HTR1F: variants seen among roughly 807,000 people sequenced by gnomAD.
HTR1F encodes the protein 5-hydroxytryptamine receptor 1F, also known as 5-hydroxytryptamine (serotonin) receptor 1F, G protein-coupled.
HTR1F carries 17 observed loss-of-function variants against 24.0 expected under a neutral mutation model. The observed-to-expected ratio is 0.71, with a 90% CI of 0.48 to 1.06. The LOEUF is 1.06. HTR1F is among the 50% of genes least tolerant of loss of function. The pLI, the probability that HTR1F is intolerant of heterozygous loss-of-function variation, is 0.00. For synonymous variants in HTR1F, 186 were observed against 156.8 expected (o/e 1.19, Z -1.39); for missense variants, 391 against 427.8 (o/e 0.91, Z 0.76).
At position 87,810,409 on chromosome 3, in the gene HTR1F, C is replaced by T. The variant is rs371445375; in HGVS notation, c.-159-11599C>T. 2.7e-3 allele frequency among the ~76,000 whole-genome samples: 406 copies of T among 152,152 alleles called. 1 individual carries two copies. The highest frequency in any genetic ancestry group is 4.3e-3 in the Admixed American group (66 of 15,268). The stretch of plus-strand genomic sequence containing the variant: ...GGCCAAATCACACATTTCTGGATGT[C>T]GGCGTTTTTCCCAAAGTTCCAAGCA... On this transcript the variant is annotated intron_variant, in intron 1 of 2. Coordinates refer to ENST00000319595, the MANE Select transcript of HTR1F (RefSeq NM_001322209.2).
At chr3:87,877,626 C>A (rs1288381947) in intron 2 of HTR1F, among the ~76,000 whole-genome samples, 1 of 152,058 alleles carries the variant, frequency 6.6e-6, no homozygotes, top group Non-Finnish European at 1.5e-5. Context: ...CAGTAAAGAA[C>A]CTGAGGCTTC....
intron 2 of HTR1F, among the ~76,000 whole-genome samples, chr3:87,928,963 C>T (rs530971808): frequency 6.6e-6 from 1 of 152,230 alleles, no homozygotes; most frequent in East Asian, 1.9e-4. Flanking sequence ...GTGATAAGGG[C>T]ATATCCATTT....
chr3:87,937,776 C>A (rs1374645935), intron 2 of HTR1F, among the ~76,000 whole-genome samples: 1 of 151,778 alleles, frequency 6.6e-6, no homozygotes, highest in African/African-American at 2.4e-5. Context: ...ACAAAAAAAT[C>A]AGCTGGGCAT....
chr3:87,886,451 C>T (rs1391656453), intron 2 of HTR1F, among the ~76,000 whole-genome samples: 1 of 152,138 alleles, frequency 6.6e-6, no homozygotes, highest in East Asian at 1.9e-4. Flanking sequence ...TGCCCTCTCT[C>T]ACCACTCCTA....
At chr3:87,944,511 G>T (rs6788927) in intron 2 of HTR1F, among the ~76,000 whole-genome samples, 1,658 of 152,234 alleles carry the variant, frequency 0.011, 27 homozygotes, top group African/African-American at 0.037. Flanking sequence ...ACCATCTATC[G>T]TCCTGTCCTG....
intron 2 of HTR1F, among the ~76,000 whole-genome samples, chr3:87,851,340 C>G (rs1271759598): frequency 3.3e-5 from 5 of 151,414 alleles, no homozygotes; most frequent in South Asian, 2.1e-4. Context: ...TTCCATTTTA[C>G]TGAAATGGAA....
chr3:87,975,417 TAA>T (rs1705373411), intron 2 of HTR1F, among the ~76,000 whole-genome samples: 3 of 152,202 alleles, frequency 2.0e-5, no homozygotes, highest in African/African-American at 7.2e-5. Flanking sequence ...AAAAGAATGT[TAA>T]GTCAAAGTAC....
Position 87,866,348 on chromosome 3 carries a change from A to G in HTR1F, c.-43+44224A>G, listed in dbSNP as rs184166733. 1.4e-3 allele frequency among the ~76,000 whole-genome samples: 220 copies of G among 152,340 alleles called. 1 individual carries two copies. Among genetic ancestry groups the G allele is most frequent in the African/African-American group, 5.1e-3 (211 of 41,590 alleles). On this transcript the variant is annotated intron_variant, in intron 2 of 2. Coordinates refer to ENST00000319595, the MANE Select transcript of HTR1F (RefSeq NM_001322209.2). ...CTAGTCAGAGCATGACTTTGGATTC[A>G]GAGTCCTGATGGAGAGAGACTAGTC...
chr3:87,936,419 C>T (rs1349745972), intron 2 of HTR1F, among the ~76,000 whole-genome samples: 11 of 152,092 alleles, frequency 7.2e-5, no homozygotes, highest in African/African-American at 9.7e-5. Context: ...TGAGTCTCCA[C>T]GACTGCTTTA....
chr3:87,959,905 A>G (rs1705024785), intron 2 of HTR1F, among the ~76,000 whole-genome samples: 2 of 151,976 alleles, frequency 1.3e-5, no homozygotes, highest in African/African-American at 4.8e-5. Context: ...AAAGATATCA[A>G]ACTTTAAATT....
chr3:87,815,206 T>G (rs1381112233), intron 1 of HTR1F, among the ~76,000 whole-genome samples: 6 of 152,088 alleles, frequency 3.9e-5, no homozygotes, highest in Non-Finnish European at 7.4e-5. Context: ...ACAGGGGTAA[T>G]TTAAAACCCT....
intron 2 of HTR1F, among the ~76,000 whole-genome samples, chr3:87,917,672 G>A (rs75377639): frequency 4.0e-5 from 6 of 151,704 alleles, no homozygotes; most frequent in African/African-American, 1.5e-4. Flanking sequence ...GGAAGAATTA[G>A]ATACCCTGAA....
intron 2 of HTR1F, among the ~76,000 whole-genome samples, chr3:87,961,238 A>G (rs1225854805): frequency 6.6e-6 from 1 of 152,070 alleles, no homozygotes; most frequent in Non-Finnish European, 1.5e-5. Flanking sequence ...CAAAGAGCAT[A>G]GATTGAGAAT....
At chr3:87,954,113 G>A (rs1383043749) in intron 2 of HTR1F, among the ~76,000 whole-genome samples, 5 of 151,664 alleles carry the variant, frequency 3.3e-5, no homozygotes, top group African/African-American at 1.2e-4. Context: ...GCTAAAAGGA[G>A]TAAGTTGTAG....
intron 2 of HTR1F, among the ~76,000 whole-genome samples, chr3:87,873,173 T>A (rs1249260638): frequency 2.0e-5 from 3 of 151,720 alleles, no homozygotes; most frequent in African/African-American, 7.3e-5. Flanking sequence ...TTGGTTCATA[T>A]GCTTATGAGG....
At chr3:87,930,772 C>T (rs1011003056) in intron 2 of HTR1F, among the ~76,000 whole-genome samples, 4 of 152,022 alleles carry the variant, frequency 2.6e-5, no homozygotes, top group Non-Finnish European at 4.4e-5. Flanking sequence ...TGAACAGTGC[C>T]TAACACATAA....
At chr3:87,879,578 T>C (rs939532473) in intron 2 of HTR1F, among the ~76,000 whole-genome samples, 3 of 152,188 alleles carry the variant, frequency 2.0e-5, no homozygotes, top group Non-Finnish European at 4.4e-5. Flanking sequence ...TGTAATGGCA[T>C]CATAAGAACA....
At chr3:87,885,906 G>A (rs1705929233) in intron 2 of HTR1F, among the ~76,000 whole-genome samples, 1 of 152,120 alleles carries the variant, frequency 6.6e-6, no homozygotes, top group African/African-American at 2.4e-5. Flanking sequence ...AATTCTACCA[G>A]AGGTATAAAG....
intron 2 of HTR1F, among the ~76,000 whole-genome samples, chr3:87,945,210 C>A (rs1021275384): frequency 6.6e-6 from 1 of 151,968 alleles, no homozygotes; most frequent in Non-Finnish European, 1.5e-5. Flanking sequence ...ACGGGTCCCA[C>A]ATAACTGCCC....
Sources: gnomAD v4.1 joint callset for allele counts (sites outside exome capture counted in the v4.1 genomes callset) on GRCh38, gnomAD v4.1.1 for gene constraint, MANE v1.5 for transcripts, NCBI Gene and HGNC (gene_info 2026-07-23, HGNC 2026-07-21) for gene names.